Variants in LRIG1 observed in about 807,000 individuals in gnomAD.
LRIG1 encodes leucine-rich repeats and immunoglobulin-like domains protein 1.
A neutral mutation model predicts 99.2 loss-of-function variants in LRIG1; 48 were observed. The observed-to-expected ratio is 0.48, with a 90% confidence interval of 0.38 to 0.62. LRIG1 has a LOEUF of 0.62. Among genes scored for constraint, LRIG1 ranks in the 20% least tolerant of loss-of-function variants. The pLI is 0.00. For missense variants in LRIG1, 1,646 were observed against 1,434.4 expected, an observed-to-expected ratio of 1.15 and a Z score of -2.38; for synonymous variants, 772 against 596.1, an observed-to-expected ratio of 1.29 and a Z score of -4.30.
chr3:66,447,030 G>C (rs200132682), intron 3 of LRIG1, among the ~76,000 whole-genome samples: 35 of 152,224 alleles, frequency 2.3e-4, no homozygotes, highest in East Asian at 9.7e-4. Context: ...CGTACTACAA[G>C]TGGCTTTTAA....
Position 66,420,824 on chromosome 3 carries a change from G to C in LRIG1, c.366-3558C>G, listed in dbSNP as rs930779936. 3.9e-5 allele frequency among the ~76,000 whole-genome samples: 6 copies of C among 152,308 alleles called. No homozygotes were observed. In the East Asian group the frequency reaches 1.2e-3, roughly 29 times the overall value. On this transcript the variant is annotated intron_variant, in intron 3 of 18. Coordinates refer to ENST00000273261, the MANE Select transcript of LRIG1 (RefSeq NM_015541.3). ...AGATCTGTTGTTTAACGGTGTATTA[G>C]TCCATTTTCATGCTGCTGATAAAGA...
chr3:66,491,950 C>T (rs1427563606), intron 1 of LRIG1, among the ~76,000 whole-genome samples: 2 of 152,180 alleles, frequency 1.3e-5, no homozygotes, highest in Non-Finnish European at 2.9e-5. Flanking sequence ...TACCTGCCTG[C>T]ATATCAACTG....
At chr3:66,421,646 G>A (rs1347893062) in intron 3 of LRIG1, among the ~76,000 whole-genome samples, 2 of 152,198 alleles carry the variant, frequency 1.3e-5, no homozygotes, top group South Asian at 2.1e-4. Context: ...GGTGCAAGCT[G>A]TCAGTGGATC....
intron 1 of LRIG1, among the ~76,000 whole-genome samples, chr3:66,487,585 A>AACAC (rs145217065): frequency 2.6e-5 from 4 of 151,716 alleles, no homozygotes; most frequent in Admixed American, 2.0e-4. Flanking sequence ...AGTGGAGAGA[A>AACAC]ACACACACAC....
chr3:66,398,762 A>G (rs757327686), intron 10 of LRIG1, among the ~76,000 whole-genome samples: 1 of 152,254 alleles, frequency 6.6e-6, no homozygotes, highest in Non-Finnish European at 1.5e-5. Context: ...AACTGGGAGC[A>G]CATCCACTGG....
At chr3:66,421,687 CT>C (rs1376357735) in intron 3 of LRIG1, among the ~76,000 whole-genome samples, 2 of 152,210 alleles carry the variant, frequency 1.3e-5, no homozygotes, top group Non-Finnish European at 2.9e-5. Flanking sequence ...GACAGTGGCC[CT>C]CTTCTCACAG....
intron 2 of LRIG1, among the ~76,000 whole-genome samples, chr3:66,462,023 T>C (rs1175643703): frequency 6.6e-6 from 1 of 152,138 alleles, no homozygotes; most frequent in Non-Finnish European, 1.5e-5. Flanking sequence ...GGCGCGCAGA[T>C]CACATGAGGC....
At position 66,383,288 on chromosome 3, in the gene LRIG1, C is replaced by A. The variant is rs748043487; in HGVS notation, c.2185G>T (p.Gly729Trp). 1.2e-6 allele frequency: 2 copies of A among 1,612,272 alleles called. No individual in the cohort carries two copies. The highest frequency in any genetic ancestry group is 4.5e-5 in the East Asian group (2 of 44,822). Residue 729 changes from glycine (G) to tryptophan (W), a missense_variant, in exon 15 of 19, where the codon GGG (glycine) becomes TGG (tryptophan). Gly to Trp is a radical substitution (Grantham distance 184). Coordinates refer to ENST00000273261, the MANE Select transcript of LRIG1 (RefSeq NM_015541.3). ...NPPPRITWFK[G>W]DRPLSLTERH... ...TCAGTGAGGCTCAGCGGGCGGTCCCCCTTGAACCAGGTGATGCGGGGCGGA... is the reference window on the plus strand; with the variant it reads ...TCAGTGAGGCTCAGCGGGCGGTCCCACTTGAACCAGGTGATGCGGGGCGGA...
chr3:66,393,725 G>A (rs1168827299), intron 12 of LRIG1, among the ~76,000 whole-genome samples: 2 of 152,158 alleles, frequency 1.3e-5, no homozygotes, highest in South Asian at 4.2e-4. Flanking sequence ...GAGTACATTC[G>A]CAGCTAAACC....
chr3:66,487,876 G>A (rs1701010229), intron 1 of LRIG1, among the ~76,000 whole-genome samples: 1 of 152,146 alleles, frequency 6.6e-6, no homozygotes, highest in Non-Finnish European at 1.5e-5. Context: ...TATTCCTAAA[G>A]TAGTCCCTAA....
At chr3:66,446,631 C>G (rs1267499303) in intron 3 of LRIG1, among the ~76,000 whole-genome samples, 1 of 151,922 alleles carries the variant, frequency 6.6e-6, no homozygotes, top group Non-Finnish European at 1.5e-5. Flanking sequence ...GTCTCGAACT[C>G]CTGACCTCAG....
chr3:66,466,976 G>T (rs1176187623), intron 1 of LRIG1, among the ~76,000 whole-genome samples: 1 of 152,144 alleles, frequency 6.6e-6, no homozygotes, highest in South Asian at 2.1e-4. Flanking sequence ...CAAAGGGTGC[G>T]CAGATCTCTG....
Position 66,467,651 on chromosome 3 carries a change from A to G in LRIG1, c.219-5142T>C, listed in dbSNP as rs532148026. ...GCTGGGATTACAGGCGTGAGCCACC[A>G]CGCCCAGCCCACATTAGCTATATTT... On this transcript the variant is annotated intron_variant, in intron 1 of 18. Transcript: ENST00000273261. 6.6e-5 allele frequency among the ~76,000 whole-genome samples: 10 copies of G among 152,326 alleles called. No homozygotes were observed. In the East Asian group the frequency reaches 1.4e-3, roughly 21 times the overall value.
intron 9 of LRIG1, among the ~76,000 whole-genome samples, chr3:66,399,989 GC>G (rs1048597438): frequency 6.6e-6 from 1 of 152,198 alleles, no homozygotes; most frequent in African/African-American, 2.4e-5. Flanking sequence ...TGCAGGAGAT[GC>G]CCCAGTGCTT....
chr3:66,383,359 G>C lies in LRIG1; in HGVS notation c.2114C>G (p.Ser705Cys), dbSNP rs773026984. 6 of 1,582,900 alleles carry C rather than the reference G, an allele frequency of 3.8e-6. No individual in the cohort carries two copies. The highest frequency in any genetic ancestry group is 5.2e-6 in the Non-Finnish European group (6 of 1,159,892). ...LVVPLEDRVVSVGETVALQCK... is the reference protein window; with the variant it reads ...LVVPLEDRVVCVGETVALQCK... ...TTGGAGGGCCACTGTTTCTCCCACA[G>C]ATACCACACGGTCTTCCAAGGGGAC... The change falls in exon 15 of 19, where the codon TCT becomes TGT. Residue 705 changes from serine (S) to cysteine (C), a missense_variant. Ser to Cys is a moderately radical substitution (Grantham distance 112). Coordinates refer to ENST00000273261, the MANE Select transcript of LRIG1 (RefSeq NM_015541.3).
Position 66,412,993 on chromosome 3 carries a change from A to C in LRIG1, c.669T>G (p.Ile223Met). 1.2e-6 allele frequency: 2 copies of C among 1,614,210 alleles called. No individual in the cohort carries two copies. Among genetic ancestry groups the C allele is most frequent in the Non-Finnish European group, 1.7e-6 (2 of 1,180,032 alleles). The change falls in exon 6 of 19, where the codon ATT becomes ATG. Residue 223 changes from isoleucine to methionine, a missense_variant. By Grantham distance (10) the Ile-to-Met change is conservative. Coordinates refer to ENST00000273261, the MANE Select transcript of LRIG1 (RefSeq NM_015541.3). ...GGAAGGTGAGGCCCTCTATCAGCCG[A>C]ATCCTGTTCCGATTGAGGTCCCTAA... ...LTQLDLNRNR[I>M]RLIEGLTFQG...
rs570796574 is a variant in LRIG1, at chr3:66,379,693, C to T, written c.*570G>A. 6.6e-6 allele frequency: 1 copy of T among 152,394 alleles called. No homozygotes were observed. The highest frequency in any genetic ancestry group is 2.4e-5 in the African/African-American group (1 of 41,584). 9.4% of individuals were successfully genotyped at this position (152,394 alleles called of 1,614,324 possible). A position where few individuals can be genotyped will look rare whatever the true frequency, so the allele number is the denominator to read the frequency against. The stretch of plus-strand genomic sequence containing the variant: ...ACCCCTGGCTCTACAGACAGGGAAG[C>T]CTGTTGCAGGGGCATCCACACATGA... On this transcript the variant is annotated 3_prime_UTR_variant, in exon 19 of 19. Transcript: ENST00000273261.
Position 66,391,836 on chromosome 3 carries a change from A to T in LRIG1, c.1468+2204T>A, listed in dbSNP as rs79028338. On this transcript the variant is annotated intron_variant, in intron 12 of 18. Coordinates refer to ENST00000273261, the MANE Select transcript of LRIG1 (RefSeq NM_015541.3). ...CATCTACACTACAACTCACTCATCT[A>T]AAGTATACAATTCAATGGTTTTTAG... Among the ~76,000 whole-genome samples the T allele has an allele frequency of 3.3e-3, 499 of 152,360 alleles. 2 individuals carry two copies. Among genetic ancestry groups the T allele is most frequent in the East Asian group, 0.022 (112 of 5,190 alleles).
chr3:66,407,723 T>G (rs1278573057), intron 7 of LRIG1, among the ~76,000 whole-genome samples: 3 of 152,104 alleles, frequency 2.0e-5, no homozygotes, highest in African/African-American at 7.2e-5. Context: ...GTAGAATGGG[T>G]GCATAGGTCA....
Sources: gnomAD v4.1 joint callset for allele counts (sites outside exome capture counted in the v4.1 genomes callset) on GRCh38, gnomAD v4.1.1 for gene constraint, MANE v1.5 for transcripts, NCBI Gene and HGNC (gene_info 2026-07-23, HGNC 2026-07-21) for gene names.